The following TSHZ2 variants were observed in gnomAD, a reference collection of about 807,000 sequenced individuals.
The protein encoded by TSHZ2 is teashirt zinc finger homeobox 2, also known as teashirt homolog 2.
In TSHZ2, 21 loss-of-function variants were observed where a neutral mutation model predicts 74.4. That is an observed-to-expected ratio of 0.28 (90% confidence interval 0.20 to 0.41). TSHZ2 has a LOEUF of 0.41. Ranked by LOEUF, TSHZ2 falls within the 10% of genes least tolerant of loss-of-function variation. TSHZ2 has a pLI of 1.00. For missense variants in TSHZ2, 1,244 were observed against 1,293.5 expected (o/e 0.96, Z 0.59); for synonymous variants, 540 against 515.3 (o/e 1.05, Z -0.65).
At chr20:53,030,861 T>C (rs926443173) in intron 1 of TSHZ2, among the ~76,000 whole-genome samples, 1 of 152,218 alleles carries the variant, frequency 6.6e-6, no homozygotes, top group African/African-American at 2.4e-5. Flanking sequence ...ATCTTTTTTT[T>C]CCTGAGTACT....
At chr20:53,290,821 T>C (rs1991264397) in intron 2 of TSHZ2, among the ~76,000 whole-genome samples, 2 of 152,238 alleles carry the variant, frequency 1.3e-5, no homozygotes, top group Admixed American at 6.5e-5. Context: ...AAGTGCTACC[T>C]ATGTCAAGGG....
In TSHZ2 at chr20:53,482,979, C is replaced by T. The variant is rs183784412; in HGVS notation, c.*9-4165C>T. The stretch of plus-strand genomic sequence containing the variant: ...TGTTTTCCCAAAGTGGTCCAAGATT[C>T]AGATCTTCTCTTTACCCTTCTTCAA... On this transcript the variant is annotated intron_variant, in intron 2 of 2. Coordinates refer to ENST00000371497, the MANE Select transcript of TSHZ2 (RefSeq NM_173485.6). Among the ~76,000 whole-genome samples, 44 of 152,288 alleles carry T rather than the reference C, an allele frequency of 2.9e-4. No individual in the cohort carries two copies. The East Asian group carries it at 6.9e-3, about 24-fold the overall frequency.
chr20:53,248,512 T>C (rs907719383), intron 1 of TSHZ2, among the ~76,000 whole-genome samples: 70 of 152,230 alleles, frequency 4.6e-4, no homozygotes, highest in African/African-American at 1.7e-3. Context: ...ATTTCTCCTT[T>C]TTTAAATGAA....
At chr20:53,333,306 A>G (rs1345860311) in intron 2 of TSHZ2, among the ~76,000 whole-genome samples, 1 of 152,192 alleles carries the variant, frequency 6.6e-6, no homozygotes, top group Non-Finnish European at 1.5e-5. Context: ...TGAGTTATAA[A>G]AGAGGCTAGA....
At chr20:53,395,990 C>T (rs1240433034) in intron 2 of TSHZ2, among the ~76,000 whole-genome samples, 1 of 152,170 alleles carries the variant, frequency 6.6e-6, no homozygotes, top group Non-Finnish European at 1.5e-5. Flanking sequence ...GGCTGGAGTG[C>T]AGTGGCGCGA....
chr20:53,169,740 CAA>C (rs1988149006), intron 1 of TSHZ2, among the ~76,000 whole-genome samples: 1 of 152,154 alleles, frequency 6.6e-6, no homozygotes, highest in Non-Finnish European at 1.5e-5. Flanking sequence ...GTCAAGAACT[CAA>C]GTCTTGAGAA....
chr20:53,052,691 A>G (rs1984515417), intron 1 of TSHZ2, among the ~76,000 whole-genome samples: 1 of 152,170 alleles, frequency 6.6e-6, no homozygotes, highest in African/African-American at 2.4e-5. Context: ...TTAGTCATTC[A>G]TCTGTTGATG....
At chr20:53,284,715 TC>T (rs60612856) in intron 2 of TSHZ2, among the ~76,000 whole-genome samples, 9 of 116,726 alleles carry the variant, frequency 7.7e-5, no homozygotes, top group Non-Finnish European at 1.6e-4. Context: ...TACACGCCCG[TC>T]CCCCCCACCC....
intron 1 of TSHZ2, among the ~76,000 whole-genome samples, chr20:53,108,541 G>C (rs1157270524): frequency 6.6e-6 from 1 of 152,204 alleles, no homozygotes; most frequent in African/African-American, 2.4e-5. Context: ...TGAATATCAT[G>C]AGTGCAGACT....
At chr20:53,480,929 G>A (rs888577961) in intron 2 of TSHZ2, among the ~76,000 whole-genome samples, 3 of 152,052 alleles carry the variant, frequency 2.0e-5, no homozygotes, top group South Asian at 2.1e-4. Context: ...ACATCTCTTC[G>A]CCTGGCTCTC....
chr20:53,417,410 C>A (rs1477657660), intron 2 of TSHZ2, among the ~76,000 whole-genome samples: 2 of 152,140 alleles, frequency 1.3e-5, no homozygotes, highest in African/African-American at 4.8e-5. Flanking sequence ...GATTCTCCTG[C>A]CGCAGCCTCC....
chr20:53,437,856 C>T (rs1245131901), intron 2 of TSHZ2, among the ~76,000 whole-genome samples: 9 of 152,212 alleles, frequency 5.9e-5, no homozygotes, highest in Admixed American at 5.9e-4. Context: ...CTCTTGTTCT[C>T]TCTCTTGCGT....
At position 53,138,150 on chromosome 20, in the gene TSHZ2, A is replaced by G. The variant is rs1229275845; in HGVS notation, c.41-115349A>G. ...GTAATCCCAGCACTTTGGGAGGCCA[A>G]GGCGGGCAGATCATGAGGTCAGGAG... On this transcript the variant is annotated intron_variant, in intron 1 of 2. Coordinates refer to ENST00000371497, the MANE Select transcript of TSHZ2 (RefSeq NM_173485.6). Among the ~76,000 whole-genome samples the G allele has an allele frequency of 5.9e-5, 9 of 152,254 alleles. No individual in the cohort carries two copies. In the South Asian group the frequency reaches 1.2e-3, roughly 21 times the overall value.
At chr20:53,329,589 C>T (rs1244488427) in intron 2 of TSHZ2, among the ~76,000 whole-genome samples, 2 of 149,302 alleles carry the variant, frequency 1.3e-5, no homozygotes, top group Non-Finnish European at 2.9e-5. Context: ...AGAAATCACC[C>T]ACATGTGGGA....
chr20:53,384,947 C>A (rs917503682), intron 2 of TSHZ2, among the ~76,000 whole-genome samples: 1 of 152,072 alleles, frequency 6.6e-6, no homozygotes, highest in Non-Finnish European at 1.5e-5. Flanking sequence ...ACGGTGAAAC[C>A]CCGTCTCTAC....
intron 1 of TSHZ2, among the ~76,000 whole-genome samples, chr20:53,035,809 G>A (rs1983797851): frequency 6.6e-6 from 1 of 152,142 alleles, no homozygotes; most frequent in Non-Finnish European, 1.5e-5. Flanking sequence ...GCGGAGTGTA[G>A]GTGACAGACA....
At chr20:53,196,476 T>C (rs933704506) in intron 1 of TSHZ2, 2 of 151,940 alleles carry the variant, frequency 1.3e-5, no homozygotes, top group East Asian at 1.9e-4. Flanking sequence ...GGAGGCCTGA[T>C]TGCGGTCAAC....
intron 2 of TSHZ2, among the ~76,000 whole-genome samples, chr20:53,404,538 C>G (rs1416965338): frequency 6.6e-6 from 1 of 152,148 alleles, no homozygotes; most frequent in Non-Finnish European, 1.5e-5. Flanking sequence ...CGTTGGGTTT[C>G]TCCTACTCTC....
chr20:53,108,943 T>A (rs2123316539), intron 1 of TSHZ2, among the ~76,000 whole-genome samples: 1 of 152,292 alleles, frequency 6.6e-6, no homozygotes, highest in East Asian at 1.9e-4. Context: ...CAACTCTCCC[T>A]TCTGCCCCTC....
Sources: allele counts gnomAD v4.1 joint callset (sites outside exome capture counted in the v4.1 genomes callset), GRCh38; gene constraint gnomAD v4.1.1; transcripts MANE v1.5; gene names NCBI Gene and HGNC (gene_info 2026-07-23, HGNC 2026-07-21).